Variants in HIBCH observed in about 807,000 individuals in gnomAD.
HIBCH encodes 3-hydroxyisobutyryl-CoA hydrolase, mitochondrial.
A neutral mutation model predicts 58.2 loss-of-function variants in HIBCH; 50 were observed. The ratio of observed to expected loss-of-function variants is 0.86; its 90% CI spans 0.68 to 1.09. The LOEUF (loss-of-function observed/expected upper bound fraction) is 1.09, where lower values mean the gene tolerates loss of function less well. Among genes scored for constraint, HIBCH ranks in the 50% least tolerant of loss-of-function variants. The probability of loss-of-function intolerance (pLI) is 0.00; values close to 1 mark genes in which losing one functional copy is unlikely to be tolerated. For missense variants in HIBCH, 450 were observed against 449.7 expected (o/e 1.00, Z -0.01); for synonymous variants, 151 against 146.9 (o/e 1.03, Z -0.20).
At chr2:190,287,785 A>C (rs936365747) in intron 5 of HIBCH, 147 bp from the exon 6 acceptor site, 3 of 645,378 alleles carry the variant, frequency 4.6e-6, no homozygotes, top group Non-Finnish European at 8.4e-6. Flanking sequence ...TATGGCTTAT[A>C]AAATACATAT....
Position 190,306,669 on chromosome 2 carries a change from T to C in HIBCH, c.78+4085A>G, listed in dbSNP as rs1688415857. Among the ~76,000 whole-genome samples, 1 of 152,202 alleles carries C rather than the reference T, an allele frequency of 6.6e-6. No individual in the cohort carries two copies. Among genetic ancestry groups the C allele is most frequent in the African/African-American group, 2.4e-5 (1 of 41,444 alleles). ...TCTAATCCAAGAGTGTCACGTCTTC[T>C]GCTAGCACCCATGAAATATTAAGAA... On this transcript the variant is annotated intron_variant, in intron 2 of 13. Transcript: ENST00000359678. This position sits in a 1 kb window ranked among gnomAD's most constrained non-coding sequence, Gnocchi z 4.6.
rs1246229371 is a variant in HIBCH at position 190,249,660 on chromosome 2, A to G, written c.730T>C (p.Leu244=). 6.3e-7 allele frequency: 1 copy of G among 1,599,672 alleles called. No individual in the cohort carries two copies. The highest frequency in any genetic ancestry group is 8.6e-7 in the Non-Finnish European group (1 of 1,167,196). The change falls in exon 9 of 14, where the codon TTA becomes CTA. Residue 244 remains leucine (L), a synonymous_variant. Transcript: ENST00000359678. ...ATTACCTCTGTATGGTAATTTTCTA[A>G]GACAGATGCAATATTTTCTTTTGAA... ...SPSKENIASV[L]ENYHTESKID...
chr2:190,305,346 G>C (rs540167533), intron 2 of HIBCH, among the ~76,000 whole-genome samples: 2 of 152,070 alleles, frequency 1.3e-5, no homozygotes, highest in Non-Finnish European at 2.9e-5. Flanking sequence ...GGGTCAGCAG[G>C]GCAATGCTCC....
intron 6 of HIBCH, among the ~76,000 whole-genome samples, chr2:190,262,746 G>A (rs1330965647): frequency 6.6e-6 from 1 of 152,186 alleles, no homozygotes; most frequent in Non-Finnish European, 1.5e-5. Context: ...CGGGGTAACT[G>A]ATTCATTGAT....
chr2:190,261,104 T>C (rs1687075485), intron 7 of HIBCH, 52 bp downstream of exon 7: 2 of 1,309,808 alleles, frequency 1.5e-6, no homozygotes, highest in Non-Finnish European at 2.2e-6. Context: ...CTGAAACATA[T>C]CAAAAGAAGA....
chr2:190,293,759 A>G (rs1250181194), intron 4 of HIBCH, among the ~76,000 whole-genome samples: 2 of 151,594 alleles, frequency 1.3e-5, no homozygotes, highest in Non-Finnish European at 2.9e-5. Flanking sequence ...ACCCTACCAA[A>G]TCCACAAGAA....
intron 2 of HIBCH, among the ~76,000 whole-genome samples, chr2:190,303,740 G>T (rs1272099409): frequency 6.6e-6 from 1 of 152,148 alleles, no homozygotes; most frequent in African/African-American, 2.4e-5. Context: ...AATAAGCAGA[G>T]CATGAAAGGG....
intron 11 of HIBCH, among the ~76,000 whole-genome samples, chr2:190,228,418 G>T (rs534534325): frequency 7.9e-6 from 1 of 127,252 alleles, no homozygotes; most frequent in Admixed American, 8.4e-5. Flanking sequence ...GGGGGAGGGG[G>T]GAGGGATAGC....
At chr2:190,202,691 C>G (rs1690284247), downstream of HIBCH, 1 of 166,986 alleles carries the variant, frequency 6.0e-6, no homozygotes, top group Non-Finnish European at 1.5e-5. Context: ...GACTGACTAG[C>G]TCCTGGAAAG....
intron 2 of HIBCH, among the ~76,000 whole-genome samples, chr2:190,302,762 G>A (rs1358475215): frequency 6.6e-6 from 1 of 152,090 alleles, no homozygotes; most frequent in Admixed American, 6.5e-5. Context: ...CTAGTCATTG[G>A]GGGGAACAGG....
At chr2:190,202,027 A>G (rs1294895683), downstream of HIBCH, 1 of 167,082 alleles carries the variant, frequency 6.0e-6, no homozygotes, top group South Asian at 2.1e-4. Flanking sequence ...CAGGTAAAGC[A>G]GCATGCCCCA....
chr2:190,251,495 T>C, intron 8 of HIBCH: 1 of 430,258 alleles, frequency 2.3e-6, no homozygotes, highest in African/African-American at 2.1e-5. Flanking sequence ...CTACCTTGAA[T>C]TGGGTCTTCT....
downstream of HIBCH, chr2:190,201,913 T>C (rs963244800): frequency 6.0e-6 from 1 of 167,044 alleles, no homozygotes; most frequent in Non-Finnish European, 1.5e-5. Context: ...TTGTTTTTCA[T>C]TCATTTTGCA....
intron 11 of HIBCH, among the ~76,000 whole-genome samples, chr2:190,240,940 A>G (rs1350942345): frequency 6.6e-6 from 1 of 152,206 alleles, no homozygotes; most frequent in East Asian, 1.9e-4. Context: ...ACTGAAAATA[A>G]CGTATATTAT....
At chr2:190,260,860 T>A (rs886892296) in intron 7 of HIBCH, among the ~76,000 whole-genome samples, 2 of 152,186 alleles carry the variant, frequency 1.3e-5, no homozygotes, top group Non-Finnish European at 2.9e-5. Flanking sequence ...AACTCAAAAC[T>A]GCACAGATCT....
At chr2:190,198,843 T>C (rs1690105397) in intron 1 of HIBCH, among the ~76,000 whole-genome samples, 1 of 152,146 alleles carries the variant, frequency 6.6e-6, no homozygotes, top group African/African-American at 2.4e-5. Flanking sequence ...GAGTTCATTC[T>C]GTGATAACAC....
At chr2:190,252,645 T>C (rs1240370952) in intron 7 of HIBCH, among the ~76,000 whole-genome samples, 1 of 152,040 alleles carries the variant, frequency 6.6e-6, no homozygotes, top group African/African-American at 2.4e-5. Flanking sequence ...AGGTAAAAAT[T>C]TCAAAAAAAT....
rs1178783235 is a variant in HIBCH at position 190,215,147 on chromosome 2, C to CA, written c.892-2073dup. 6.6e-6 allele frequency: 1 copy of CA among 151,580 alleles called. No individual in the cohort carries two copies. Among genetic ancestry groups the CA allele is most frequent in the Non-Finnish European group, 1.5e-5 (1 of 67,992 alleles). 9.4% of individuals were successfully genotyped at this position (151,580 alleles called of 1,614,324 possible). ...GATCCCCTCGGTTTAGCAGCTAGAT[C>CA]AATTTTTAGGACCCAATTTTTATAC... is the stretch of plus-strand genomic sequence containing the variant. On this transcript the variant is annotated intron_variant, in intron 11 of 13. Transcript: ENST00000359678. The surrounding 1 kb of genome is among the most constrained non-coding windows in gnomAD (Gnocchi z 4.4).
At chr2:190,221,018 A>C (rs897706641) in intron 11 of HIBCH, among the ~76,000 whole-genome samples, 1 of 152,204 alleles carries the variant, frequency 6.6e-6, no homozygotes, top group African/African-American at 2.4e-5. Context: ...ACCTTTTGCT[A>C]TATTTCCTCA....
Sources: gnomAD v4.1 joint callset for allele counts (sites outside exome capture counted in the v4.1 genomes callset) on GRCh38, gnomAD v4.1.1 for gene constraint, Gnocchi (gnomAD v3.1) non-coding constraint, MANE v1.5 for transcripts, NCBI Gene and HGNC (gene_info 2026-07-23, HGNC 2026-07-21) for gene names.